RAPH1: variants seen among roughly 807,000 people sequenced by gnomAD.
RAPH1 encodes the protein ras-associated and pleckstrin homology domains-containing protein 1.
In RAPH1, 18 loss-of-function variants were observed where a neutral mutation model predicts 88.1. The observed-to-expected ratio is 0.20, with a 90% CI of 0.14 to 0.30. RAPH1 has a LOEUF of 0.30. Among genes scored for constraint, RAPH1 ranks in the 10% least tolerant of loss-of-function variants. The pLI is 1.00. For missense variants in RAPH1, 1,448 were observed against 1,543.2 expected (o/e 0.94, Z 1.03); for synonymous variants, 587 against 559.0 (o/e 1.05, Z -0.71).
intron 1 of RAPH1, among the ~76,000 whole-genome samples, chr2:203,517,138 C>G (rs1689650347): frequency 6.6e-6 from 1 of 151,602 alleles, no homozygotes; most frequent in South Asian, 2.1e-4. Flanking sequence ...AATATAGACA[C>G]AAATAGATGA....
chr2:203,508,718 T>C lies in RAPH1; in HGVS notation c.1-13365A>G, dbSNP rs535478250. On this transcript the variant is annotated intron_variant, in intron 1 of 13. Transcript: ENST00000319170. ...AAAGAGAGAGATGAAGGAGGAGAGA[T>C]AAAAAGAAAAAAGTCTTTACCCTCA... 3.3e-5 allele frequency among the ~76,000 whole-genome samples: 5 copies of C among 151,584 alleles called. No homozygotes were observed. In the East Asian group the frequency reaches 7.7e-4, roughly 23 times the overall value.
chr2:203,457,475 T>C (rs2153639906), intron 8 of RAPH1, 55 bp downstream of exon 8: 1 of 1,418,758 alleles, frequency 7.0e-7, no homozygotes, highest in Non-Finnish European at 1.0e-6. Context: ...TGAGCCACCA[T>C]GCCTGGCCTA....
intron 1 of RAPH1, 64 bp from the exon 2 acceptor site, chr2:203,495,417 C>T: frequency 7.9e-6 from 12 of 1,528,222 alleles, no homozygotes; most frequent in Non-Finnish European, 1.1e-5. Context: ...AAAATTATGC[C>T]ATATATGCTC....
In RAPH1 at chr2:203,441,944, T is replaced by C. The variant is rs565491387; in HGVS notation, c.1777-531A>G. On this transcript the variant is annotated intron_variant, in intron 13 of 13. Coordinates refer to ENST00000319170, the MANE Select transcript of RAPH1 (RefSeq NM_213589.3). ...GCTGACACAGGAGAGTATGAGAATG[T>C]TGAGCAGGCGTGCACAGTCACACAG... 16 of 1,389,528 alleles carry C rather than the reference T, an allele frequency of 1.2e-5. No individual in the cohort carries two copies. In the East Asian group the frequency reaches 1.7e-4, roughly 15 times the overall value. The allele number at this position is 1,389,528 out of a possible 1,614,324, so 86.1% of individuals were successfully genotyped here.
intron 1 of RAPH1, among the ~76,000 whole-genome samples, chr2:203,495,804 C>T (rs947317747): frequency 5.9e-5 from 9 of 152,086 alleles, no homozygotes; most frequent in Non-Finnish European, 8.8e-5. Context: ...CCTGCAAAAC[C>T]TTAGTCCAAC....
At chr2:203,485,090 G>A (rs1330252571) in intron 4 of RAPH1, among the ~76,000 whole-genome samples, 10 of 152,056 alleles carry the variant, frequency 6.6e-5, no homozygotes, top group African/African-American at 1.2e-4. Context: ...TAAAGAACAC[G>A]TTCATGCTCA....
intron 4 of RAPH1, among the ~76,000 whole-genome samples, chr2:203,477,677 C>T (rs1369955708): frequency 6.6e-6 from 1 of 152,124 alleles, no homozygotes; most frequent in African/African-American, 2.4e-5. Flanking sequence ...TTTTTATCCT[C>T]CCCTCGAATT....
chr2:203,452,281 A>G (rs1298264921), intron 10 of RAPH1, among the ~76,000 whole-genome samples: 1 of 152,250 alleles, frequency 6.6e-6, no homozygotes, highest in Non-Finnish European at 1.5e-5. Flanking sequence ...CTTGAAAAAC[A>G]GCAGGTACAG....
chr2:203,441,196 A>G lies in RAPH1; in HGVS notation c.1994T>C (p.Val665Ala). 6.4e-7 allele frequency: 1 copy of G among 1,568,036 alleles called. No individual in the cohort carries two copies. The highest frequency in any genetic ancestry group is 8.7e-7 in the Non-Finnish European group (1 of 1,152,984). ...PSAGSAAPMF[V>A]KYSTITRLQN... ...TAGCCGTGTTATTGTGCTGTACTTG[A>G]CGAACATTGGGGCTGCTGAGCCTGC... The change falls in exon 14 of 14, where the codon GTC becomes GCC. Residue 665 changes from valine to alanine, a missense_variant. By Grantham distance (64) the Val-to-Ala change is moderately conservative. This residue lies in a region of RAPH1 where 935 missense variants were observed against 890.1 expected (regional missense o/e 1.05). Transcript: ENST00000319170.
rs533463090 is a variant in RAPH1 at position 203,439,734 on chromosome 2, G to A, written c.3456C>T (p.Pro1152=). ...PTMATVVPQV[P]TSPKSSLSVQ... ...CACTAAGGCTGGATTTGGGAGAGGT[G>A]GGCACTTGTGGCACAACTGTGGCCA... The change falls in exon 14 of 14, where the codon CCC becomes CCT. Residue 1152 remains proline (P), a synonymous_variant. Transcript: ENST00000319170. The A allele has an allele frequency of 6.2e-7, 1 of 1,614,098 alleles. No individual in the cohort carries two copies. Among genetic ancestry groups the A allele is most frequent in the African/African-American group, 1.3e-5 (1 of 75,000 alleles).
At chr2:203,470,489 G>GA (rs1170988188) in intron 4 of RAPH1, among the ~76,000 whole-genome samples, 1 of 152,166 alleles carries the variant, frequency 6.6e-6, no homozygotes, top group Non-Finnish European at 1.5e-5. Context: ...AAAAGAAAAA[G>GA]AAAAGGAGCA....
chr2:203,527,228 A>G (rs1307685088), intron 1 of RAPH1, among the ~76,000 whole-genome samples: 1 of 152,162 alleles, frequency 6.6e-6, no homozygotes, highest in African/African-American at 2.4e-5. Flanking sequence ...CTTAATACAC[A>G]CATGTATTTT....
intron 13 of RAPH1, chr2:203,441,858 G>A: frequency 7.5e-7 from 1 of 1,339,800 alleles, no homozygotes; most frequent in African/African-American, 1.5e-5. Context: ...TCAAGCAGAT[G>A]CTATAACTGG....
chr2:203,463,766 G>A (rs2153643083), intron 4 of RAPH1, among the ~76,000 whole-genome samples: 1 of 152,144 alleles, frequency 6.6e-6, no homozygotes, highest in East Asian at 1.9e-4. Flanking sequence ...AATCCTTTAT[G>A]CAAATAAACA....
chr2:203,459,961 G>A lies in RAPH1; in HGVS notation c.1038C>T (p.Asn346=), dbSNP rs1581278778. 5 of 1,611,882 alleles carry A rather than the reference G, an allele frequency of 3.1e-6. No homozygotes were observed. The highest frequency in any genetic ancestry group is 4.2e-6 in the Non-Finnish European group (5 of 1,178,408). The part of the protein sequence containing the change: ...NLLNWTRDSQ[N]KLIFMERIEK... Reference sequence around the variant, plus strand: ...CTATACGCTCCATAAATATAAGCTTGTTTTGGCTATCTCTTGTCCAATTAA... The same window carrying A: ...CTATACGCTCCATAAATATAAGCTTATTTTGGCTATCTCTTGTCCAATTAA... The change falls in exon 7 of 14, where the codon AAC becomes AAT. Residue 346 remains asparagine, a synonymous_variant. Transcript: ENST00000319170.
At position 203,434,791 on chromosome 2, in the gene RAPH1, C is replaced by T. The variant is rs2098497094; in HGVS notation, c.*4646G>A. ...AAACATAATTAATTCTCAACTTAAC[C>T]ATCTATAAAATATGTAGTGTTCACC... On this transcript the variant is annotated 3_prime_UTR_variant, in exon 14 of 14. Coordinates refer to ENST00000319170, the MANE Select transcript of RAPH1 (RefSeq NM_213589.3). 1 of 152,388 alleles carries T rather than the reference C, an allele frequency of 6.6e-6. No homozygotes were observed. Among genetic ancestry groups the T allele is most frequent in the African/African-American group, 2.4e-5 (1 of 41,384 alleles). 9.4% of individuals were successfully genotyped at this position (152,388 alleles called of 1,614,324 possible).
At chr2:203,478,156 C>T (rs184943533) in intron 4 of RAPH1, among the ~76,000 whole-genome samples, 10 of 151,942 alleles carry the variant, frequency 6.6e-5, no homozygotes, top group Admixed American at 5.9e-4. Context: ...GCCTCATCCT[C>T]CCGAGTAGCT....
chr2:203,478,550 C>T (rs1257271890), intron 4 of RAPH1, among the ~76,000 whole-genome samples: 1 of 151,976 alleles, frequency 6.6e-6, no homozygotes, highest in East Asian at 1.9e-4. Flanking sequence ...ACTGCAGTGG[C>T]ACGATCTCAG....
chr2:203,530,564 T>G lies in RAPH1; in HGVS notation c.-1+4547A>C, dbSNP rs1421833507. The stretch of plus-strand genomic sequence containing the variant: ...CATCGCACCCCCAAAATTAGCCACG[T>G]ATAACCATGTAGCACTATGGTCTTC... On this transcript the variant is annotated intron_variant, in intron 1 of 13. Transcript: ENST00000319170. 2.6e-5 allele frequency among the ~76,000 whole-genome samples: 4 copies of G among 152,136 alleles called. No individual in the cohort carries two copies. The East Asian group carries it at 5.8e-4, about 22-fold the overall frequency.
Sources: allele counts gnomAD v4.1 joint callset (sites outside exome capture counted in the v4.1 genomes callset), GRCh38; gene constraint gnomAD v4.1.1; regional missense constraint gnomAD v4.1.1; transcripts MANE v1.5; gene names NCBI Gene and HGNC (gene_info 2026-07-23, HGNC 2026-07-21).